SCMH1: variants seen among roughly 807,000 people sequenced by gnomAD.
SCMH1 encodes the protein polycomb protein SCMH1.
Under a neutral mutation model 70.8 loss-of-function variants are expected in SCMH1, and 37 were observed. The ratio of observed to expected loss-of-function variants is 0.52; its 90% CI spans 0.40 to 0.69. The LOEUF (loss-of-function observed/expected upper bound fraction) is 0.69, where lower values mean the gene tolerates loss of function less well. SCMH1 is among the 30% of genes least tolerant of loss of function. The probability of loss-of-function intolerance (pLI) is 0.00; values close to 1 mark genes in which losing one functional copy is unlikely to be tolerated. For missense variants in SCMH1, 607 were observed against 827.3 expected, an observed-to-expected ratio of 0.73 and a Z score of 3.27; for synonymous variants, 292 against 307.4, an observed-to-expected ratio of 0.95 and a Z score of 0.52.
At chr1:41,235,590 A>G (rs1468416950) in intron 1 of SCMH1, among the ~76,000 whole-genome samples, 4 of 149,950 alleles carry the variant, frequency 2.7e-5, no homozygotes, top group African/African-American at 9.8e-5. Flanking sequence ...AAAAAAAAAA[A>G]AAAAAAGAAA....
At chr1:41,094,358 C>T (rs1021866229) in intron 8 of SCMH1, among the ~76,000 whole-genome samples, 1 of 152,006 alleles carries the variant, frequency 6.6e-6, no homozygotes. Flanking sequence ...TGCTTTTATA[C>T]CAATCAATGC....
intron 5 of SCMH1, 83 bp downstream of exon 5, chr1:41,151,531 C>A (rs1220279493): frequency 2.8e-6 from 3 of 1,074,114 alleles, no homozygotes; most frequent in Non-Finnish European, 4.1e-6. Context: ...AGCCCAAGGG[C>A]TTCCACCTCC....
intron 1 of SCMH1, among the ~76,000 whole-genome samples, chr1:41,241,187 G>A (rs1424465179): frequency 6.6e-6 from 1 of 152,202 alleles, no homozygotes; most frequent in Non-Finnish European, 1.5e-5. Flanking sequence ...GGGGGGATTT[G>A]GGGATTTTCA....
chr1:41,186,761 T>G (rs948933089), intron 1 of SCMH1, among the ~76,000 whole-genome samples: 1 of 152,298 alleles, frequency 6.6e-6, no homozygotes, highest in Middle Eastern at 3.4e-3. Flanking sequence ...TCTCTTTCTC[T>G]CACATAGAGA....
intron 7 of SCMH1, among the ~76,000 whole-genome samples, chr1:41,114,684 T>TC (rs1553131049): frequency 2.9e-4 from 44 of 151,768 alleles, no homozygotes; most frequent in African/African-American, 8.5e-4. Context: ...TCTCTCTCTC[T>TC]TTCTTTTTTG....
intron 1 of SCMH1, among the ~76,000 whole-genome samples, chr1:41,186,634 T>C (rs1471507020): frequency 6.6e-6 from 1 of 152,198 alleles, no homozygotes; most frequent in African/African-American, 2.4e-5. Context: ...CCAATGTGAC[T>C]ACATTTGGAG....
chr1:41,042,382 G>A (rs748217148), intron 12 of SCMH1, among the ~76,000 whole-genome samples: 4 of 151,954 alleles, frequency 2.6e-5, no homozygotes, highest in Non-Finnish European at 5.9e-5. Context: ...CCAAGTAGCT[G>A]GGATTACAAG....
At chr1:41,188,837 C>T (rs1409263186) in intron 1 of SCMH1, among the ~76,000 whole-genome samples, 1 of 151,926 alleles carries the variant, frequency 6.6e-6, no homozygotes, top group African/African-American at 2.4e-5. Context: ...TTACTACATG[C>T]CAGATATTGT....
intron 2 of SCMH1, among the ~76,000 whole-genome samples, chr1:41,177,107 G>A (rs192480858): frequency 0.013 from 1,999 of 152,296 alleles, 42 homozygotes; most frequent in African/African-American, 0.045. Flanking sequence ...TGCAGCCTCC[G>A]CTGCTGATAC....
At position 41,065,658 on chromosome 1, in the gene SCMH1, C is replaced by T. The variant is rs1654341687; in HGVS notation, c.1105+4937G>A. Among the ~76,000 whole-genome samples, 3 of 152,074 alleles carry T rather than the reference C, an allele frequency of 2.0e-5. No homozygotes were observed. The South Asian group carries it at 6.2e-4, about 32-fold the overall frequency. ...AGAATAGAGAGCCCAGAAATAAACC[C>T]ACATAAATATAATCAGCTTATCTTT... On this transcript the variant is annotated intron_variant, in intron 10 of 14. Transcript: ENST00000337495.
chr1:41,067,463 A>C (rs866408201), intron 10 of SCMH1, among the ~76,000 whole-genome samples: 3,359 of 107,368 alleles, frequency 0.031, 14 homozygotes, highest in African/African-American at 0.042. Flanking sequence ...AACAACAAAA[A>C]AAAAAAAAAA....
chr1:41,160,304 C>T (rs1645907752), intron 4 of SCMH1, among the ~76,000 whole-genome samples: 1 of 152,120 alleles, frequency 6.6e-6, no homozygotes, highest in African/African-American at 2.4e-5. Context: ...GATGTTTATG[C>T]AGGAACTCTG....
At chr1:41,052,670 A>C (rs1648640121) in intron 10 of SCMH1, among the ~76,000 whole-genome samples, 1 of 152,252 alleles carries the variant, frequency 6.6e-6, no homozygotes, top group Admixed American at 6.5e-5. Context: ...GATAGGCACA[A>C]GAACATGGGT....
chr1:41,131,610 T>A (rs558246327), intron 6 of SCMH1, among the ~76,000 whole-genome samples: 1 of 152,334 alleles, frequency 6.6e-6, no homozygotes, highest in East Asian at 1.9e-4. Context: ...ACGTGCAGGT[T>A]TGTCACATAG....
intron 12 of SCMH1, 48 bp downstream of exon 12, chr1:41,046,359 G>T: frequency 6.4e-7 from 1 of 1,554,908 alleles, no homozygotes; most frequent in East Asian, 2.2e-5. Flanking sequence ...AGGTGCTGCT[G>T]CTAGCCCTGT....
At chr1:41,053,946 G>A (rs1018716616) in intron 10 of SCMH1, among the ~76,000 whole-genome samples, 27 of 151,996 alleles carry the variant, frequency 1.8e-4, no homozygotes, top group African/African-American at 6.3e-4. Context: ...CCGGGTTCAC[G>A]CCATTCTCCT....
intron 10 of SCMH1, among the ~76,000 whole-genome samples, chr1:41,055,273 G>C (rs1649816270): frequency 6.6e-6 from 1 of 152,138 alleles, no homozygotes; most frequent in South Asian, 2.1e-4. Flanking sequence ...ATAAAACCAA[G>C]ATCCATGGAA....
At chr1:41,076,582 G>A (rs11577885) in intron 8 of SCMH1, among the ~76,000 whole-genome samples, 11,898 of 152,236 alleles carry the variant, frequency 0.078, 601 homozygotes, top group South Asian at 0.13. Context: ...TAAGTGCTGT[G>A]ATTAAAATTA....
At position 41,046,758 on chromosome 1, in the gene SCMH1, C is replaced by T. The variant is rs746351237; in HGVS notation, c.1307-160G>A. 15 of 622,578 alleles carry T rather than the reference C, an allele frequency of 2.4e-5. No individual in the cohort carries two copies. In the East Asian group the frequency reaches 2.5e-4, roughly 10 times the overall value. The allele number at this position is 622,578 out of a possible 1,614,324, so 38.6% of individuals were successfully genotyped here. ...CCTCCCTCCCTTTAACTCCCTCCCT[C>T]GAGGGCTTTGATTTTTGCCTCCAAC... is the stretch of plus-strand genomic sequence containing the variant. On this transcript the variant is annotated intron_variant, in intron 11 of 14. Coordinates refer to ENST00000337495, the Ensembl canonical transcript of SCMH1.
Sources: allele counts gnomAD v4.1 joint callset (sites outside exome capture counted in the v4.1 genomes callset), GRCh38; gene constraint gnomAD v4.1.1; transcripts MANE v1.5; gene names NCBI Gene and HGNC (gene_info 2026-07-23, HGNC 2026-07-21).